Variants in FIZ1 observed in about 807,000 individuals in gnomAD.
FIZ1 encodes the protein flt3-interacting zinc finger protein 1.
In FIZ1, 2 loss-of-function variants were observed where a neutral mutation model predicts 5.3. That is an observed-to-expected ratio of 0.37 (90% confidence interval 0.15 to 1.18). The LOEUF is 1.18. Ranked by LOEUF, FIZ1 falls within the 50% of genes most tolerant of loss-of-function variation. FIZ1 has a pLI of 0.37. For synonymous variants in FIZ1, 407 were observed against 364.2 expected (o/e 1.12, Z -1.34); for missense variants, 631 against 749.7 (o/e 0.84, Z 1.85).
Position 55,593,257 on chromosome 19 carries a change from G to A in FIZ1, c.684C>T (p.Phe228=). The part of the protein sequence containing the change: ...HWAAHTDVKP[F]KCPRCERDFN... Reference sequence around the variant, plus strand: ...AGTCGCGCTCGCAGCGCGGGCACTTGAAGGGCTTCACGTCGGTGTGCGCCG... The same window carrying A: ...AGTCGCGCTCGCAGCGCGGGCACTTAAAGGGCTTCACGTCGGTGTGCGCCG... The change falls in exon 3 of 3, where the codon TTC becomes TTT. Residue 228 remains phenylalanine (F), a synonymous_variant. Transcript: ENST00000221665. This position sits in a 1 kb window ranked among gnomAD's most constrained non-coding sequence, Gnocchi z 6.3. 7.8e-7 allele frequency: 1 copy of A among 1,274,072 alleles called. No individual in the cohort carries two copies. Among genetic ancestry groups the A allele is most frequent in the Non-Finnish European group, 1.0e-6 (1 of 1,001,932 alleles). The allele number at this position is 1,274,072 out of a possible 1,614,324, so 78.9% of individuals were successfully genotyped here.
In FIZ1 at chr19:55,593,541, GA is replaced by G; in HGVS notation, c.399del (p.Leu134SerfsTer14). On this transcript the variant is annotated frameshift_variant, in exon 3 of 3. Coordinates refer to ENST00000221665, the MANE Select transcript of FIZ1 (RefSeq NM_032836.3). LOFTEE classifies it low-confidence loss of function (END_TRUNC). This position sits in a 1 kb window ranked among gnomAD's most constrained non-coding sequence, Gnocchi z 6.3. The stretch of plus-strand genomic sequence containing the variant: ...GGGCCGGGCTGCAGGGGAGAGGGGA[GA>G]ACCCCACGGTGCTGGCGCTTGAGGT... Reference protein sequence around the residue: ...GRHLKRQHRGVLPSPLQPGPG... With the variant: ...GRHLKRQHRGXLPSPLQPGPG... 1 of 1,550,870 alleles carries G rather than the reference GA, an allele frequency of 6.4e-7. No individual in the cohort carries two copies. Among genetic ancestry groups the G allele is most frequent in the Non-Finnish European group, 8.7e-7 (1 of 1,146,890 alleles).
chr19:55,595,216 CA>C (rs1244482439), intron 2 of FIZ1, among the ~76,000 whole-genome samples: 1 of 152,124 alleles, frequency 6.6e-6, no homozygotes, highest in Non-Finnish European at 1.5e-5. Flanking sequence ...TAATGTCTGC[CA>C]GGGGCACAGA....
In FIZ1 at chr19:55,593,674, G is replaced by T. The variant is rs759415322; in HGVS notation, c.295-28C>A. On this transcript the variant is annotated intron_variant, in intron 2 of 2. Transcript: ENST00000221665. The surrounding 1 kb of genome is among the most constrained non-coding windows in gnomAD (Gnocchi z 6.3). Reference sequence around the variant, plus strand: ...AGGGGTGCGGGAGGAAGGGCACAACGTCAGGGCTGAGAACCTAGCCCGGAC... The same window carrying T: ...AGGGGTGCGGGAGGAAGGGCACAACTTCAGGGCTGAGAACCTAGCCCGGAC... The T allele has an allele frequency of 4.5e-6, 7 of 1,544,646 alleles. No individual in the cohort carries two copies. Among genetic ancestry groups the T allele is most frequent in the Non-Finnish European group, 6.1e-6 (7 of 1,141,630 alleles).
Position 55,593,160 on chromosome 19 carries a change from G to T in FIZ1, c.781C>A (p.Gln261Lys). ...GCGCCTGGCCCCGCGGCCCAGGCCT[G>T]CGCTGGGGGCGCGCCCGGGCCCTGC... Reference protein sequence around the residue: ...DLQGPGAPPAQAWAAGPGAGP... With the variant: ...DLQGPGAPPAKAWAAGPGAGP... The change falls in exon 3 of 3, where the codon CAG becomes AAG. Residue 261 changes from glutamine (Q) to lysine (K), a missense_variant. Physicochemically the swap from Gln to Lys is moderately conservative, Grantham distance 53 (BLOSUM62 1). This residue lies in a region of FIZ1 where 463 missense variants were observed against 455.1 expected (regional missense o/e 1.02). Coordinates refer to ENST00000221665, the MANE Select transcript of FIZ1 (RefSeq NM_032836.3). This position sits in a 1 kb window ranked among gnomAD's most constrained non-coding sequence, Gnocchi z 6.3. 8.6e-7 allele frequency: 1 copy of T among 1,163,606 alleles called. No homozygotes were observed. Among genetic ancestry groups the T allele is most frequent in the Non-Finnish European group, 1.1e-6 (1 of 940,076 alleles). The allele number at this position is 1,163,606 out of a possible 1,614,324, so 72.1% of individuals were successfully genotyped here.
In FIZ1 at chr19:55,593,242, GC is replaced by G; in HGVS notation, c.698del (p.Cys233SerfsTer16). On this transcript the variant is annotated frameshift_variant, in exon 3 of 3. Transcript: ENST00000221665. LOFTEE classifies it low-confidence loss of function (END_TRUNC). The surrounding 1 kb of genome is among the most constrained non-coding windows in gnomAD (Gnocchi z 6.3). ...GCGCGGGCGCGTTGAAGTCGCGCTCGCAGCGCGGGCACTTGAAGGGCTTCAC... is the reference window on the plus strand; with the variant it reads ...GCGCGGGCGCGTTGAAGTCGCGCTCGAGCGCGGGCACTTGAAGGGCTTCAC... ...TDVKPFKCPR[C>X]ERDFNAPALL... is the part of the protein sequence containing the mutation. The G allele has an allele frequency of 8.0e-7, 1 of 1,251,284 alleles. No individual in the cohort carries two copies. Among genetic ancestry groups the G allele is most frequent in the Non-Finnish European group, 1.0e-6 (1 of 988,508 alleles). 77.5% of individuals were successfully genotyped at this position (1,251,284 alleles called of 1,614,324 possible). A position where few individuals can be genotyped will look rare whatever the true frequency, so the allele number is the denominator to read the frequency against.
rs1412461834 is a variant in FIZ1, at chr19:55,592,763, G to T, written c.1178C>A (p.Ala393Asp). Residue 393 changes from alanine to aspartate, a missense_variant, in exon 3 of 3, where the codon GCC (alanine) becomes GAC (aspartate). Coordinates refer to ENST00000221665, the MANE Select transcript of FIZ1 (RefSeq NM_032836.3). This position sits in a 1 kb window ranked among gnomAD's most constrained non-coding sequence, Gnocchi z 6.9. ...CCCGGACGCCGGTTCCCTTTCCCGG[G>T]CGGCGGTCGCCGCCTCCTCCCCGCC... The part of the protein sequence containing the change: ...EGGGEEAATA[A>D]REREPASGEP... 6.2e-7 allele frequency: 1 copy of T among 1,603,412 alleles called. No homozygotes were observed.
chr19:55,598,831 T>A (rs1161333919), intron 1 of FIZ1: 1 of 152,210 alleles, frequency 6.6e-6, no homozygotes, highest in Non-Finnish European at 1.5e-5. Context: ...CTTTCCACAT[T>A]CATTATAAAG....
At position 55,593,197 on chromosome 19, in the gene FIZ1, C is replaced by A. The variant is rs940149845; in HGVS notation, c.744G>T (p.Leu248=). Reference sequence around the variant, plus strand: ...CGCCCGGGCCCTGCAGGTCGTGCGTCAGCTTGTGCCGCTCCAGCAGCGCGG... The same window carrying A: ...CGCCCGGGCCCTGCAGGTCGTGCGTAAGCTTGTGCCGCTCCAGCAGCGCGG... The part of the protein sequence containing the change: ...NAPALLERHK[L]THDLQGPGAP... The change falls in exon 3 of 3, where the codon CTG becomes CTT. Residue 248 remains leucine, a synonymous_variant. Coordinates refer to ENST00000221665, the MANE Select transcript of FIZ1 (RefSeq NM_032836.3). This position sits in a 1 kb window ranked among gnomAD's most constrained non-coding sequence, Gnocchi z 6.3. The A allele has an allele frequency of 1.2e-5, 14 of 1,200,108 alleles. No homozygotes were observed. The highest frequency in any genetic ancestry group is 6.8e-4 in the Middle Eastern group (2 of 2,940). The allele number at this position is 1,200,108 out of a possible 1,614,324, so 74.3% of individuals were successfully genotyped here. A position where few individuals can be genotyped will look rare whatever the true frequency, so the allele number is the denominator to read the frequency against.
intron 1 of FIZ1, 40 bp from the exon 2 acceptor site, chr19:55,597,941 G>A (rs959935453): frequency 8.8e-6 from 13 of 1,482,596 alleles, no homozygotes; most frequent in Non-Finnish European, 1.2e-5. Context: ...TGAGGGGGTC[G>A]GCTCCCCATC....
Position 55,592,725 on chromosome 19 carries a change from C to A in FIZ1, c.1216G>T (p.Gly406Cys), listed in dbSNP as rs1473914416. Residue 406 changes from glycine (G) to cysteine (C), a missense_variant, in exon 3 of 3, where the codon GGC becomes TGC. Around this residue, in one of 4 missense-constraint regions of FIZ1, gnomAD observed 463 missense variants for 455.1 expected, o/e 1.02. Coordinates refer to ENST00000221665, the MANE Select transcript of FIZ1 (RefSeq NM_032836.3). The surrounding 1 kb of genome is among the most constrained non-coding windows in gnomAD (Gnocchi z 6.9). ...AAGATCTTCTTGCCGCGGCCGGAGC[C>A]AGACGGGGGTTCCCCGGACGCCGGT... ...REPASGEPPS[G>C]SGRGKKIFGC... 3 of 1,612,112 alleles carry A rather than the reference C, an allele frequency of 1.9e-6. No homozygotes were observed. Among genetic ancestry groups the A allele is most frequent in the Non-Finnish European group, 2.5e-6 (3 of 1,179,674 alleles).
chr19:55,596,908 T>A (rs1257326644), intron 2 of FIZ1, among the ~76,000 whole-genome samples: 1 of 152,166 alleles, frequency 6.6e-6, no homozygotes, highest in African/African-American at 2.4e-5. Flanking sequence ...CTTGACCTCA[T>A]GATCTGCCCA....
Position 55,597,569 on chromosome 19 carries a change from C to T in FIZ1, c.294+3G>A, listed in dbSNP as rs376914108. The T allele has an allele frequency of 2.8e-5, 45 of 1,609,230 alleles. No individual in the cohort carries two copies. The African/African-American group carries it at 5.7e-4, about 20-fold the overall frequency. ...CAGCCTAGGGCCGGCCTGTGGGACT[C>T]ACCTGGTGGTGCAGCAGGCCGGTGG... On this transcript the variant is annotated splice_donor_region_variant and intron_variant, in intron 2 of 2. Transcript: ENST00000221665.
chr19:55,592,314 CA>C lies in FIZ1; in HGVS notation c.*135del. On this transcript the variant is annotated 3_prime_UTR_variant, in exon 3 of 3. Coordinates refer to ENST00000221665, the MANE Select transcript of FIZ1 (RefSeq NM_032836.3). The surrounding 1 kb of genome is among the most constrained non-coding windows in gnomAD (Gnocchi z 6.9). ...TTTTGGTGGCCCCCACCTCTCCAGT[CA>C]GGGTCCCCTCATTTCAGGGCCTGCG... 1.1e-6 allele frequency: 1 copy of C among 944,212 alleles called. No homozygotes were observed. The highest frequency in any genetic ancestry group is 1.8e-5 in the South Asian group (1 of 55,628). The allele number at this position is 944,212 out of a possible 1,614,324, so 58.5% of individuals were successfully genotyped here. A position where few individuals can be genotyped will look rare whatever the true frequency, so the allele number is the denominator to read the frequency against.
intron 2 of FIZ1, among the ~76,000 whole-genome samples, chr19:55,597,338 G>A (rs74913726): frequency 0.015 from 2,353 of 152,334 alleles, 19 homozygotes; most frequent in Middle Eastern, 0.024. Flanking sequence ...CCTATAGATG[G>A]GGAAATTTAC....
Position 55,593,577 on chromosome 19 carries a change from G to A in FIZ1, c.364C>T (p.Leu122=). 1 of 1,551,386 alleles carries A rather than the reference G, an allele frequency of 6.4e-7. No homozygotes were observed. The highest frequency in any genetic ancestry group is 8.7e-7 in the Non-Finnish European group (1 of 1,146,998). Residue 122 remains leucine (L), a synonymous_variant, in exon 3 of 3, where the codon CTG becomes TTG. Transcript: ENST00000221665. The surrounding 1 kb of genome is among the most constrained non-coding windows in gnomAD (Gnocchi z 6.3). ...TGCTGGCGCTTGAGGTGGCGGCCCA[G>A]GCTGGAGCGTGAGGAGAAGCGGAGC... ...CELRFSSRSS[L]GRHLKRQHRG... is the part of the protein sequence containing the mutation.
At chr19:55,594,244 C>G (rs1206164214) in intron 2 of FIZ1, among the ~76,000 whole-genome samples, 1 of 151,880 alleles carries the variant, frequency 6.6e-6, no homozygotes, top group East Asian at 1.9e-4. Flanking sequence ...CAAAAATTAC[C>G]CGGGCCTGGT....
Position 55,593,306 on chromosome 19 carries a change from C to A in FIZ1, c.635G>T (p.Gly212Val). 1 of 1,258,210 alleles carries A rather than the reference C, an allele frequency of 7.9e-7. No homozygotes were observed. The highest frequency in any genetic ancestry group is 1.0e-6 in the Non-Finnish European group (1 of 996,430). 77.9% of individuals were successfully genotyped at this position (1,258,210 alleles called of 1,614,324 possible). Residue 212 changes from glycine (G) to valine (V), a missense_variant, in exon 3 of 3, where the codon GGC (glycine) becomes GTC (valine). This residue lies in a region of FIZ1 where 463 missense variants were observed against 455.1 expected (regional missense o/e 1.02). Coordinates refer to ENST00000221665, the MANE Select transcript of FIZ1 (RefSeq NM_032836.3). The surrounding 1 kb of genome is among the most constrained non-coding windows in gnomAD (Gnocchi z 6.3). ...CGACARRFDH[G>V]RELAAHWAAH... The stretch of plus-strand genomic sequence containing the variant: ...CGCCCAGTGGGCCGCCAGCTCGCGG[C>A]CGTGGTCGAAGCGCCGCGCGCAGGC...
In FIZ1 at chr19:55,593,281, C is replaced by G; in HGVS notation, c.660G>C (p.Ala220=). ...TGAAGGGCTTCACGTCGGTGTGCGC[C>G]GCCCAGTGGGCCGCCAGCTCGCGGC... The part of the protein sequence containing the change: ...DHGRELAAHW[A]AHTDVKPFKC... Residue 220 remains alanine, a synonymous_variant, in exon 3 of 3, where the codon GCG becomes GCC. Transcript: ENST00000221665. The surrounding 1 kb of genome is among the most constrained non-coding windows in gnomAD (Gnocchi z 6.3). The G allele has an allele frequency of 7.9e-7, 1 of 1,265,230 alleles. No homozygotes were observed. 78.4% of individuals were successfully genotyped at this position (1,265,230 alleles called of 1,614,324 possible). A position where few individuals can be genotyped will look rare whatever the true frequency, so the allele number is the denominator to read the frequency against.
rs1327373614 is a variant in FIZ1, at chr19:55,597,513, G to A, written c.294+59C>T. 4.5e-6 allele frequency: 7 copies of A among 1,553,308 alleles called. 1 individual carries two copies. Among genetic ancestry groups the A allele is most frequent in the East Asian group, 4.6e-5 (2 of 43,686 alleles). ...TTTTGCCCAGAGTACAGTGGGGCGC[G>A]GGATCCCACCGTAGTCCTGACCAGG... On this transcript the variant is annotated intron_variant, in intron 2 of 2. Coordinates refer to ENST00000221665, the MANE Select transcript of FIZ1 (RefSeq NM_032836.3).
Sources: allele counts gnomAD v4.1 joint callset (sites outside exome capture counted in the v4.1 genomes callset), GRCh38; gene constraint gnomAD v4.1.1; regional missense constraint gnomAD v4.1.1; non-coding constraint Gnocchi (gnomAD v3.1); transcripts MANE v1.5; gene names NCBI Gene and HGNC (gene_info 2026-07-23, HGNC 2026-07-21).